KLHL29: variants seen among roughly 807,000 people sequenced by gnomAD.
KLHL29 encodes kelch-like protein 29.
KLHL29 carries 21 observed loss-of-function variants against 80.4 expected under a neutral mutation model. The ratio of observed to expected loss-of-function variants is 0.26; its 90% confidence interval spans 0.19 to 0.38. KLHL29 has a LOEUF of 0.38. KLHL29 is among the 10% of genes least tolerant of loss of function. The pLI is 1.00. For missense variants in KLHL29, 867 were observed against 1,223.9 expected (o/e 0.71, Z 4.35); for synonymous variants, 511 against 526.8 (o/e 0.97, Z 0.41).
Position 23,647,709 on chromosome 2 carries a change from G to C in KLHL29, c.940+4859G>C, listed in dbSNP as rs972442686. On this transcript the variant is annotated intron_variant, in intron 5 of 13. Coordinates refer to ENST00000486442, the MANE Select transcript of KLHL29 (RefSeq NM_052920.2). This position sits in a 1 kb window ranked among gnomAD's most constrained non-coding sequence, Gnocchi z 4.9. The stretch of plus-strand genomic sequence containing the variant: ...CTGTCCAACAACCCAGTTGCTCTGG[G>C]GACAACGGCCAGCGCTGACTCGGTG... Among the ~76,000 whole-genome samples the C allele has an allele frequency of 6.6e-6, 1 of 152,080 alleles. No homozygotes were observed.
intron 2 of KLHL29, among the ~76,000 whole-genome samples, chr2:23,512,210 C>G (rs980339762): frequency 6.6e-6 from 1 of 152,114 alleles, no homozygotes; most frequent in Admixed American, 6.5e-5. Context: ...CTTTGGAAGG[C>G]CAAGGTGGGT....
chr2:23,540,473 T>C (rs1666800206), intron 2 of KLHL29, among the ~76,000 whole-genome samples: 1 of 152,204 alleles, frequency 6.6e-6, no homozygotes, highest in Non-Finnish European at 1.5e-5. Flanking sequence ...CTCTTGAGCA[T>C]CTTTCTTTCC....
At chr2:23,589,022 G>A (rs1282072437) in intron 3 of KLHL29, among the ~76,000 whole-genome samples, 1 of 152,236 alleles carries the variant, frequency 6.6e-6, no homozygotes, top group Non-Finnish European at 1.5e-5. Context: ...TTTGTCTCCT[G>A]GTTACACGTG....
rs187137161 is a variant in KLHL29, at chr2:23,563,359, G to C, written c.285+878G>C. 3.3e-5 allele frequency among the ~76,000 whole-genome samples: 5 copies of C among 152,348 alleles called. No homozygotes were observed. In the East Asian group the frequency reaches 9.7e-4, roughly 29 times the overall value. Reference sequence around the variant, plus strand: ...CATGGCTGTGGTAGGAAGGCCATCGGTCCCCATCCTGCTTCCTCACCGAGC... The same window carrying C: ...CATGGCTGTGGTAGGAAGGCCATCGCTCCCCATCCTGCTTCCTCACCGAGC... On this transcript the variant is annotated intron_variant, in intron 3 of 13. Coordinates refer to ENST00000486442, the MANE Select transcript of KLHL29 (RefSeq NM_052920.2).
chr2:23,660,996 A>C (rs1670388522), intron 5 of KLHL29, among the ~76,000 whole-genome samples: 1 of 151,970 alleles, frequency 6.6e-6, no homozygotes, highest in Admixed American at 6.6e-5. Context: ...GAGCCATTGC[A>C]CTGCAGCCTG....
At chr2:23,439,985 C>G (rs1447335774) in intron 1 of KLHL29, among the ~76,000 whole-genome samples, 1 of 150,876 alleles carries the variant, frequency 6.6e-6, no homozygotes, top group Non-Finnish European at 1.5e-5. Flanking sequence ...CTTTATGAAT[C>G]TGGGTGCTCC....
At chr2:23,573,500 G>A (rs1230588406) in intron 3 of KLHL29, among the ~76,000 whole-genome samples, 1 of 152,184 alleles carries the variant, frequency 6.6e-6, no homozygotes, top group Non-Finnish European at 1.5e-5. Flanking sequence ...GACAACCCTG[G>A]TGAAATTGGT....
chr2:23,406,389 A>G (rs1405312730), intron 1 of KLHL29, among the ~76,000 whole-genome samples: 1 of 151,040 alleles, frequency 6.6e-6, no homozygotes, highest in Non-Finnish European at 1.5e-5. Flanking sequence ...TTAATATTTT[A>G]TCATATTGTC....
intron 1 of KLHL29, among the ~76,000 whole-genome samples, chr2:23,463,754 G>A (rs897176677): frequency 5.9e-5 from 9 of 152,170 alleles, no homozygotes. Flanking sequence ...CTTTTGTGTA[G>A]TTTAATGAGC....
rs1331938787 is a variant in KLHL29, at chr2:23,647,429, T to A, written c.940+4579T>A. On this transcript the variant is annotated intron_variant, in intron 5 of 13. Coordinates refer to ENST00000486442, the MANE Select transcript of KLHL29 (RefSeq NM_052920.2). This position sits in a 1 kb window ranked among gnomAD's most constrained non-coding sequence, Gnocchi z 4.9. ...CTCAGAAATGCCAACATGAATTCAT[T>A]CAGGGTTCAGACTCAAGGCCTGCGT... Among the ~76,000 whole-genome samples the A allele has an allele frequency of 6.6e-6, 1 of 152,168 alleles. No individual in the cohort carries two copies. Among genetic ancestry groups the A allele is most frequent in the Non-Finnish European group, 1.5e-5 (1 of 68,024 alleles).
intron 2 of KLHL29, among the ~76,000 whole-genome samples, chr2:23,541,775 A>AC (rs1291585957): frequency 7.2e-5 from 11 of 151,886 alleles, no homozygotes; most frequent in South Asian, 2.1e-4. Flanking sequence ...CAAAAAACAA[A>AC]AAAAAAAAAA....
intron 3 of KLHL29, among the ~76,000 whole-genome samples, chr2:23,581,121 G>A (rs916399254): frequency 3.3e-5 from 5 of 151,696 alleles, no homozygotes; most frequent in Non-Finnish European, 7.4e-5. Context: ...ACTCACATCC[G>A]AGAAAATAAG....
intron 5 of KLHL29, among the ~76,000 whole-genome samples, chr2:23,655,051 G>A (rs967982914): frequency 7.2e-5 from 11 of 152,192 alleles, no homozygotes; most frequent in African/African-American, 2.7e-4. Flanking sequence ...TGATTCTTGG[G>A]CTCTTTCCTC....
At chr2:23,689,090 G>A (rs1179671339) in intron 6 of KLHL29, 1 of 152,368 alleles carries the variant, frequency 6.6e-6, no homozygotes, top group Admixed American at 6.5e-5. Flanking sequence ...GTTGGTAAGA[G>A]GCACAGCCCT....
chr2:23,508,231 C>T (rs186393947), intron 2 of KLHL29, among the ~76,000 whole-genome samples: 1 of 152,356 alleles, frequency 6.6e-6, no homozygotes, highest in East Asian at 1.9e-4. Flanking sequence ...TTACTACTCT[C>T]ACAGATTCTG....
At chr2:23,395,718 C>T (rs543718526) in intron 1 of KLHL29, among the ~76,000 whole-genome samples, 2 of 151,304 alleles carry the variant, frequency 1.3e-5, no homozygotes, top group African/African-American at 2.4e-5. Context: ...GCACTGTAGC[C>T]TGGGTGACAG....
At position 23,703,334 on chromosome 2, in the gene KLHL29, G is replaced by A. The variant is rs370596023; in HGVS notation, c.2254G>A (p.Val752Ile). Residue 752 changes from valine (V) to isoleucine (I), a missense_variant, in exon 12 of 14, where the codon GTT becomes ATT. Val to Ile is a conservative substitution (Grantham distance 29). This residue lies in a region of KLHL29 where 443 missense variants were observed against 767.0 expected (regional missense o/e 0.58). Transcript: ENST00000486442. Reference sequence around the variant, plus strand: ...AGCTGCCGGCGTCCTCCAGTCTTACGTTCCTCAGACCAACACGTGGAGCTT... The same window carrying A: ...AGCTGCCGGCGTCCTCCAGTCTTACATTCCTCAGACCAACACGTGGAGCTT... ...GRAAGVLQSYVPQTNTWSFIE... is the reference protein window; with the variant it reads ...GRAAGVLQSYIPQTNTWSFIE... 34 of 1,540,794 alleles carry A rather than the reference G, an allele frequency of 2.2e-5. No homozygotes were observed. Among genetic ancestry groups the A allele is most frequent in the Non-Finnish European group, 2.7e-5 (31 of 1,142,992 alleles).
At chr2:23,539,190 C>T (rs771972951) in intron 2 of KLHL29, among the ~76,000 whole-genome samples, 3 of 120,438 alleles carry the variant, frequency 2.5e-5, no homozygotes, top group Non-Finnish European at 5.0e-5. Context: ...TCCTGGGGAT[C>T]GTACTGGTTC....
intron 3 of KLHL29, chr2:23,616,622 C>T: frequency 6.6e-6 from 1 of 152,208 alleles, no homozygotes; most frequent in Non-Finnish European, 1.5e-5. Context: ...GAGGCCGATT[C>T]CTTGCCAGAA....
Sources: gnomAD v4.1 joint callset for allele counts (sites outside exome capture counted in the v4.1 genomes callset) on GRCh38, gnomAD v4.1.1 for gene constraint, gnomAD v4.1.1 regional missense constraint, Gnocchi (gnomAD v3.1) non-coding constraint, MANE v1.5 for transcripts, NCBI Gene and HGNC (gene_info 2026-07-23, HGNC 2026-07-21) for gene names.